OSBPL2: variants seen among roughly 807,000 people sequenced by gnomAD.
The protein encoded by OSBPL2 is oxysterol-binding protein-related protein 2.
In OSBPL2, 18 loss-of-function variants were observed where a neutral mutation model predicts 58.4. The ratio of observed to expected loss-of-function variants is 0.31; its 90% CI spans 0.21 to 0.46. The LOEUF (loss-of-function observed/expected upper bound fraction) is 0.46. Among genes scored for constraint, OSBPL2 ranks in the 20% least tolerant of loss-of-function variants. The pLI, the probability that OSBPL2 is intolerant of heterozygous loss-of-function variation, is 1.00. For missense variants in OSBPL2, 461 were observed against 616.5 expected (o/e 0.75, Z 2.67); for synonymous variants, 221 against 234.1 (o/e 0.94, Z 0.51).
chr20:62,288,418 G>C lies in OSBPL2; in HGVS notation c.1126-789G>C, dbSNP rs952604536. 3.3e-5 allele frequency among the ~76,000 whole-genome samples: 5 copies of C among 151,676 alleles called. No individual in the cohort carries two copies. Among genetic ancestry groups the C allele is most frequent in the Admixed American group, 3.3e-4 (5 of 15,230 alleles). ...CAGAGGCTGGGAGGCTGTGGGTGCA[G>C]AGGCTGGGAGGCTATGGGTGCAGAG... On this transcript the variant is annotated intron_variant, in intron 11 of 13. Coordinates refer to ENST00000313733, the MANE Select transcript of OSBPL2 (RefSeq NM_144498.4). The surrounding 1 kb of genome is among the most constrained non-coding windows in gnomAD (Gnocchi z 4.8).
At position 62,251,300 on chromosome 20, in the gene OSBPL2, C is replaced by T. The variant is rs545141094; in HGVS notation, c.-128-4757C>T. Among the ~76,000 whole-genome samples, 18 of 152,024 alleles carry T rather than the reference C, an allele frequency of 1.2e-4. 1 individual carries two copies. The South Asian group carries it at 2.7e-3, about 23-fold the overall frequency. ...CGATTTCCTGACCTCTTGATCCACC[C>T]GCCTTGGCCTCGCAAAGTGCTGGGA... On this transcript the variant is annotated intron_variant, in intron 1 of 13. Transcript: ENST00000313733.
chr20:62,273,198 G>A (rs1248864428), intron 5 of OSBPL2, 111 bp from the exon 6 acceptor site: 8 of 822,248 alleles, frequency 9.7e-6, no homozygotes, highest in South Asian at 6.0e-5. Flanking sequence ...AAACGCACAC[G>A]GAACAAATAG....
At chr20:62,293,638 G>A (rs967946664) in intron 13 of OSBPL2, 147 bp from the exon 14 acceptor site, 18 of 605,638 alleles carry the variant, frequency 3.0e-5, no homozygotes, top group African/African-American at 9.7e-5. Context: ...ATAATTCTCC[G>A]TTGAAGTTGT....
intron 11 of OSBPL2, among the ~76,000 whole-genome samples, chr20:62,287,105 T>C (rs944448084): frequency 2.0e-5 from 3 of 152,262 alleles, no homozygotes; most frequent in South Asian, 2.1e-4. Context: ...CCAAGCCTGT[T>C]TGGGGAGATT....
At chr20:62,275,325 T>G (rs1452444484) in intron 6 of OSBPL2, among the ~76,000 whole-genome samples, 1 of 152,246 alleles carries the variant, frequency 6.6e-6, no homozygotes, top group African/African-American at 2.4e-5. Flanking sequence ...TTAAAAACTT[T>G]TTCTAAATTA....
chr20:62,243,635 G>A (rs1344167104), intron 1 of OSBPL2, among the ~76,000 whole-genome samples: 2 of 152,154 alleles, frequency 1.3e-5, no homozygotes, highest in South Asian at 2.1e-4. Flanking sequence ...TGGGTTTCCC[G>A]GGAGGGGCCC....
intron 1 of OSBPL2, chr20:62,239,129 C>T (rs1979545528): frequency 6.6e-6 from 1 of 152,234 alleles, no homozygotes; most frequent in African/African-American, 2.4e-5. Context: ...CGACCCTGGC[C>T]TTCTTGTCCC....
intron 1 of OSBPL2, among the ~76,000 whole-genome samples, chr20:62,242,160 G>A (rs1979775468): frequency 6.6e-6 from 1 of 152,200 alleles, no homozygotes; most frequent in Admixed American, 6.5e-5. Context: ...CAGGCATGGT[G>A]TCCCGGCCTC....
At chr20:62,290,829 A>G (rs544692403) in intron 12 of OSBPL2, among the ~76,000 whole-genome samples, 39 of 141,674 alleles carry the variant, frequency 2.8e-4, no homozygotes, top group African/African-American at 1.0e-3. Flanking sequence ...ACCTCTGCTC[A>G]CAGGTTCAAG....
At chr20:62,268,656 G>T (rs188815762) in intron 4 of OSBPL2, among the ~76,000 whole-genome samples, 11 of 152,268 alleles carry the variant, frequency 7.2e-5, no homozygotes, top group Admixed American at 5.2e-4. Flanking sequence ...CTGGAGTGCA[G>T]TGGCAGGATC....
At chr20:62,241,207 G>A (rs1979704987) in intron 1 of OSBPL2, among the ~76,000 whole-genome samples, 2 of 151,436 alleles carry the variant, frequency 1.3e-5, no homozygotes, top group Non-Finnish European at 2.9e-5. Flanking sequence ...GTCTCGCTCT[G>A]TCGCCCAGGC....
At chr20:62,280,464 A>T (rs567025617) in intron 7 of OSBPL2, among the ~76,000 whole-genome samples, 1 of 152,378 alleles carries the variant, frequency 6.6e-6, no homozygotes, top group South Asian at 2.1e-4. Flanking sequence ...CCCCCAGGAA[A>T]TTGAGAGAAT....
At position 62,279,238 on chromosome 20, in the gene OSBPL2, C is replaced by G. The variant is rs1982620545; in HGVS notation, c.573C>G (p.Asn191Lys). 6.2e-7 allele frequency: 1 copy of G among 1,614,196 alleles called. No homozygotes were observed. Among genetic ancestry groups the G allele is most frequent in the Non-Finnish European group, 8.5e-7 (1 of 1,180,004 alleles). ...GTGCGTTCCACTCGGAAGGTCTCAA[C>G]CATGACTTCCTGTTCCATGGCTCCA... ...PISAFHSEGL[N>K]HDFLFHGSIY... The change falls in exon 7 of 14, where the codon AAC (asparagine) becomes AAG (lysine). Residue 191 changes from asparagine (N) to lysine (K), a missense_variant. By Grantham distance (94) the Asn-to-Lys change is moderately conservative. Around this residue, in one of 5 missense-constraint regions of OSBPL2, gnomAD observed 319 missense variants for 419.2 expected, o/e 0.76. Transcript: ENST00000313733.
intron 10 of OSBPL2, chr20:62,285,667 T>C (rs1178936565): frequency 6.6e-6 from 1 of 152,594 alleles, no homozygotes; most frequent in Non-Finnish European, 1.5e-5. Context: ...ACCTGCTGTT[T>C]GGAAGGCACC....
chr20:62,267,299 G>T (rs1343398456), intron 4 of OSBPL2, among the ~76,000 whole-genome samples: 2 of 152,192 alleles, frequency 1.3e-5, no homozygotes, highest in African/African-American at 4.8e-5. Flanking sequence ...AACTCACTGG[G>T]AGTTGCTAGT....
rs369276499 is a variant in OSBPL2, at chr20:62,284,035, T to C, written c.873-11T>C. The stretch of plus-strand genomic sequence containing the variant: ...CTAAGACTTGTCTTTAAAAATCCCA[T>C]TTAATTACAGCAAAAAGAAGCTCTT... On this transcript the variant is annotated splice_polypyrimidine_tract_variant and intron_variant, in intron 9 of 13. Coordinates refer to ENST00000313733, the MANE Select transcript of OSBPL2 (RefSeq NM_144498.4). The C allele has an allele frequency of 2.4e-5, 38 of 1,608,338 alleles. No homozygotes were observed. The highest frequency in any genetic ancestry group is 3.2e-5 in the Non-Finnish European group (38 of 1,176,144).
intron 9 of OSBPL2, 152 bp from the exon 10 acceptor site, chr20:62,283,894 A>G: frequency 1.4e-6 from 1 of 729,206 alleles, no homozygotes; most frequent in South Asian, 1.9e-5. Context: ...TGGTCCCAGA[A>G]TGCAAATTTT....
In OSBPL2 at chr20:62,294,816, C is replaced by T. The variant is rs1269519005; in HGVS notation, c.*929C>T. 1 of 152,230 alleles carries T rather than the reference C, an allele frequency of 6.6e-6. No individual in the cohort carries two copies. Among genetic ancestry groups the T allele is most frequent in the African/African-American group, 2.4e-5 (1 of 41,448 alleles). The allele number at this position is 152,230 out of a possible 1,614,324, so 9.4% of individuals were successfully genotyped here. ...AAAATAGAAGTGACAAGAATCACAT[C>T]CGGTTGTGTCCTGTGGGAGGGTCAG... On this transcript the variant is annotated 3_prime_UTR_variant, in exon 14 of 14. Transcript: ENST00000313733.
At chr20:62,250,955 A>C (rs1232117652) in intron 1 of OSBPL2, among the ~76,000 whole-genome samples, 1 of 151,748 alleles carries the variant, frequency 6.6e-6, no homozygotes, top group Non-Finnish European at 1.5e-5. Flanking sequence ...ATAAATAAAC[A>C]AGCAAAAGGG....
Sources: allele counts gnomAD v4.1 joint callset (sites outside exome capture counted in the v4.1 genomes callset), GRCh38; gene constraint gnomAD v4.1.1; regional missense constraint gnomAD v4.1.1; non-coding constraint Gnocchi (gnomAD v3.1); transcripts MANE v1.5; gene names NCBI Gene and HGNC (gene_info 2026-07-23, HGNC 2026-07-21).